Variants in SEM1 observed in about 807,000 individuals in gnomAD.
SEM1 encodes the protein 26S proteasome complex subunit SEM1.
Under a neutral mutation model 12.7 loss-of-function variants are expected in SEM1, and 3 were observed. That is an observed-to-expected ratio of 0.24 (90% CI 0.11 to 0.61). The LOEUF is 0.61. Among genes scored for constraint, SEM1 ranks in the 20% least tolerant of loss-of-function variants. The probability of loss-of-function intolerance (pLI) is 0.88; values close to 1 mark genes in which losing one functional copy is unlikely to be tolerated. For synonymous variants in SEM1, 30 were observed against 27.8 expected, an observed-to-expected ratio of 1.08 and a Z score of -0.25; for missense variants, 59 against 81.3, an observed-to-expected ratio of 0.73 and a Z score of 1.06.
intron 2 of SEM1, among the ~76,000 whole-genome samples, chr7:96,568,987 T>C (rs1668119197): frequency 6.6e-6 from 1 of 151,942 alleles, no homozygotes; most frequent in African/African-American, 2.4e-5. Flanking sequence ...CTATTGTGAA[T>C]GTGCAGACCT....
intron 2 of SEM1, among the ~76,000 whole-genome samples, chr7:96,682,895 G>T (rs1789655617): frequency 6.6e-6 from 1 of 152,072 alleles, no homozygotes; most frequent in Non-Finnish European, 1.5e-5. Context: ...AGTGGGCAAA[G>T]GATATGAACA....
At chr7:96,539,153 T>G (rs990474834) in intron 2 of SEM1, among the ~76,000 whole-genome samples, 1 of 151,784 alleles carries the variant, frequency 6.6e-6, no homozygotes, top group African/African-American at 2.4e-5. Flanking sequence ...CCAGCAACTG[T>G]ATGGATGAGC....
At chr7:96,642,268 T>A (rs1324063476) in intron 2 of SEM1, among the ~76,000 whole-genome samples, 1 of 152,074 alleles carries the variant, frequency 6.6e-6, no homozygotes, top group African/African-American at 2.4e-5. Flanking sequence ...ACACCTGTTT[T>A]AAATTCCTTT....
intron 2 of SEM1, among the ~76,000 whole-genome samples, chr7:96,680,900 G>C (rs957445993): frequency 3.9e-5 from 6 of 152,084 alleles, no homozygotes; most frequent in Admixed American, 3.9e-4. Context: ...CAATGCAACA[G>C]CAGTGAACAA....
chr7:96,486,169 T>C (rs1372217956), intron 2 of SEM1: 1 of 1,478,198 alleles, frequency 6.8e-7, no homozygotes, highest in Admixed American at 2.3e-5. Flanking sequence ...TTCTACCTTT[T>C]TTTTTTTTCC....
At chr7:96,562,021 T>C (rs1297143188) in intron 2 of SEM1, among the ~76,000 whole-genome samples, 7 of 152,246 alleles carry the variant, frequency 4.6e-5, no homozygotes, top group Admixed American at 3.9e-4. Flanking sequence ...ATTCACTGTT[T>C]AGTGAACACA....
At chr7:96,663,457 G>C (rs994719984) in intron 2 of SEM1, among the ~76,000 whole-genome samples, 1 of 152,232 alleles carries the variant, frequency 6.6e-6, no homozygotes, top group Non-Finnish European at 1.5e-5. Flanking sequence ...AGGAGCAGCA[G>C]TGTGGGGGAG....
intron 2 of SEM1, among the ~76,000 whole-genome samples, chr7:96,541,431 G>GGTTTTTTTTTTGTTTTTTTTTTTT (rs1554412360): frequency 8.2e-6 from 1 of 121,488 alleles, no homozygotes; most frequent in Non-Finnish European, 1.6e-5. Context: ...TTTTTAATGG[G>GGTTTTTTTTTTGTTTTTTTTTTTT]TTTTTTTTTT....
At chr7:96,587,672 G>A (rs1046850385) in intron 2 of SEM1, among the ~76,000 whole-genome samples, 3 of 151,422 alleles carry the variant, frequency 2.0e-5, no homozygotes, top group Non-Finnish European at 4.4e-5. Context: ...TTTTCCCCAG[G>A]AAAATGGACA....
intron 2 of SEM1, among the ~76,000 whole-genome samples, chr7:96,637,485 T>C (rs940425733): frequency 6.6e-6 from 1 of 152,092 alleles, no homozygotes; most frequent in Non-Finnish European, 1.5e-5. Context: ...TCCCTTGAGA[T>C]GCTTCTCATT....
intron 2 of SEM1, among the ~76,000 whole-genome samples, chr7:96,608,977 T>A (rs182887676): frequency 1.0e-3 from 159 of 152,334 alleles, no homozygotes; most frequent in African/African-American, 3.7e-3. Context: ...ACAGAAATTG[T>A]ATAAATACCC....
intron 2 of SEM1, among the ~76,000 whole-genome samples, chr7:96,555,823 C>T (rs1001739216): frequency 7.7e-5 from 11 of 143,448 alleles, no homozygotes; most frequent in South Asian, 2.1e-4. Context: ...GTGTGGGAGT[C>T]TAAGTCTCTT....
intron 2 of SEM1, among the ~76,000 whole-genome samples, chr7:96,607,841 G>C (rs557816519): frequency 6.6e-6 from 1 of 152,150 alleles, no homozygotes; most frequent in Non-Finnish European, 1.5e-5. Flanking sequence ...TCTAGGTAGT[G>C]TTCCAGTCTA....
At chr7:96,662,307 C>T (rs182576029) in intron 2 of SEM1, among the ~76,000 whole-genome samples, 10 of 152,148 alleles carry the variant, frequency 6.6e-5, no homozygotes, top group Admixed American at 2.6e-4. Flanking sequence ...ATAAAGAAAA[C>T]GTGGGACATA....
intron 2 of SEM1, among the ~76,000 whole-genome samples, chr7:96,527,033 C>T (rs573414502): frequency 9.9e-5 from 15 of 152,174 alleles, no homozygotes; most frequent in African/African-American, 3.4e-4. Flanking sequence ...TCTTCCAAAA[C>T]TCTGTGAACA....
rs1318028416 is a variant in SEM1, at chr7:96,507,765, G to A, written c.171-1067C>T. Among the ~76,000 whole-genome samples the A allele has an allele frequency of 2.0e-5, 3 of 152,034 alleles. 1 individual carries two copies. The highest frequency in any genetic ancestry group is 1.9e-4 in the East Asian group (1 of 5,172). Reference sequence around the variant, plus strand: ...CTGGGCATCTCTTTGATGAAAGTGGGGATGACAGCAACCCAGAAATGCAAA... The same window carrying A: ...CTGGGCATCTCTTTGATGAAAGTGGAGATGACAGCAACCCAGAAATGCAAA... On this transcript the variant is annotated intron_variant and NMD_transcript_variant, in intron 2 of 3. Coordinates refer to the SEM1 transcript ENST00000466986.
At chr7:96,543,967 C>T (rs1805029677) in intron 2 of SEM1, among the ~76,000 whole-genome samples, 1 of 152,034 alleles carries the variant, frequency 6.6e-6, no homozygotes. Flanking sequence ...TCTTGAAATT[C>T]TTAATTTCTA....
At chr7:96,606,340 T>A (rs996516454) in intron 2 of SEM1, among the ~76,000 whole-genome samples, 3 of 152,188 alleles carry the variant, frequency 2.0e-5, no homozygotes, top group East Asian at 3.8e-4. Flanking sequence ...ATATGGATAG[T>A]AAATACTGCT....
At chr7:96,525,395 C>T (rs1804422208) in intron 2 of SEM1, among the ~76,000 whole-genome samples, 2 of 151,940 alleles carry the variant, frequency 1.3e-5, no homozygotes, top group South Asian at 2.1e-4. Context: ...TGCGAGTGCA[C>T]GTGCAGATTC....
Sources: allele counts gnomAD v4.1 joint callset (sites outside exome capture counted in the v4.1 genomes callset), GRCh38; gene constraint gnomAD v4.1.1; transcripts MANE v1.5; gene names NCBI Gene and HGNC (gene_info 2026-07-23, HGNC 2026-07-21).